Variants in ABCA4 observed in about 807,000 individuals in gnomAD.
ABCA4 encodes the protein ATP binding cassette subfamily A member 4, also known as retinal-specific phospholipid-transporting ATPase ABCA4.
In ABCA4, 196 loss-of-function variants were observed where a neutral mutation model predicts 263.7. The ratio of observed to expected loss-of-function variants is 0.74; its 90% CI spans 0.66 to 0.84. The LOEUF is 0.84. Among genes scored for constraint, ABCA4 ranks in the 40% least tolerant of loss-of-function variants. ABCA4 has a pLI of 0.00. For missense variants in ABCA4, 2,792 were observed against 2,855.1 expected, an observed-to-expected ratio of 0.98 and a Z score of 0.50; for synonymous variants, 1,133 against 1,094.2, an observed-to-expected ratio of 1.04 and a Z score of -0.70.
chr1:94,005,408 A>G (rs374597736), intron 44 of ABCA4, 33 bp downstream of exon 44: 6 of 1,613,504 alleles, frequency 3.7e-6, no homozygotes, highest in Non-Finnish European at 5.1e-6. Context: ...AATTAACCAG[A>G]CTCCTATGTG....
intron 6 of ABCA4, among the ~76,000 whole-genome samples, chr1:94,094,562 T>C (rs934057998): frequency 6.6e-6 from 1 of 152,142 alleles, no homozygotes; most frequent in Non-Finnish European, 1.5e-5. Context: ...CTTTTCTCTA[T>C]CAACAAGCAT....
chr1:94,093,515 G>A (rs1006767508), intron 6 of ABCA4, among the ~76,000 whole-genome samples: 16 of 152,206 alleles, frequency 1.1e-4, no homozygotes, highest in Non-Finnish European at 1.9e-4. Flanking sequence ...CATTGTAGGC[G>A]CCTAGTGCGT....
chr1:94,072,399 C>T (rs1661424285), intron 11 of ABCA4, among the ~76,000 whole-genome samples: 1 of 152,126 alleles, frequency 6.6e-6, no homozygotes, highest in South Asian at 2.1e-4. Context: ...ATGTGAAATT[C>T]AAGACCTGAA....
chr1:94,115,638 A>G (rs934800477), intron 1 of ABCA4, among the ~76,000 whole-genome samples: 3 of 152,204 alleles, frequency 2.0e-5, no homozygotes, highest in Non-Finnish European at 2.9e-5. Flanking sequence ...CCTACCTCCC[A>G]GAGCAGTCGT....
intron 11 of ABCA4, among the ~76,000 whole-genome samples, chr1:94,067,030 C>T (rs761076062): frequency 3.3e-5 from 5 of 152,142 alleles, no homozygotes; most frequent in Admixed American, 2.6e-4. Context: ...AGGCTGGGGC[C>T]GTGGCTTGTT....
intron 26 of ABCA4, among the ~76,000 whole-genome samples, chr1:94,036,298 A>G (rs1660333811): frequency 6.6e-6 from 1 of 150,614 alleles, no homozygotes; most frequent in Admixed American, 6.7e-5. Context: ...GCCATCTAGG[A>G]TGCAAAATGC....
chr1:94,084,029 TC>T (rs1301581344), intron 6 of ABCA4, among the ~76,000 whole-genome samples: 1 of 152,210 alleles, frequency 6.6e-6, no homozygotes, highest in African/African-American at 2.4e-5. Flanking sequence ...CCAGCAGTGT[TC>T]AGGAAACCCC....
chr1:94,068,620 G>A (rs1661333347), intron 11 of ABCA4, among the ~76,000 whole-genome samples: 1 of 152,228 alleles, frequency 6.6e-6, no homozygotes, highest in Non-Finnish European at 1.5e-5. Flanking sequence ...TTGCAAGTTA[G>A]AATATAGTAG....
In ABCA4 at chr1:94,121,025, T is replaced by C. The variant is rs1308464856; in HGVS notation, c.21A>G (p.Ile7Met). 6.2e-6 allele frequency: 10 copies of C among 1,614,114 alleles called. No individual in the cohort carries two copies. Among genetic ancestry groups the C allele is most frequent in the East Asian group, 2.2e-5 (1 of 44,872 alleles). MGFVRQIQLLLWKNWTL... is the reference protein window; with the variant it reads MGFVRQMQLLLWKNWTL... ...TCCAGTTCTTCCAGAGCAAAAGCTG[T>C]ATCTGTCTCACGAAGCCCATGCTAA... Residue 7 changes from isoleucine (I) to methionine (M), a missense_variant, in exon 1 of 50, where the codon ATA (isoleucine) becomes ATG (methionine). By Grantham distance (10) the Ile-to-Met change is conservative (BLOSUM62 1). Coordinates refer to ENST00000370225, the MANE Select transcript of ABCA4 (RefSeq NM_000350.3).
intron 16 of ABCA4, 22 bp downstream of exon 16, chr1:94,055,089 C>A: frequency 1.2e-6 from 2 of 1,607,502 alleles, no homozygotes; most frequent in Middle Eastern, 1.7e-4. Flanking sequence ...ATTACCTTTA[C>A]CCTATAGAGG....
intron 14 of ABCA4, 90 bp from the exon 15 acceptor site, chr1:94,056,912 C>A (rs1660999725): frequency 9.6e-7 from 1 of 1,044,640 alleles, no homozygotes; most frequent in Non-Finnish European, 1.5e-6. Context: ...CACCAGCCTG[C>A]AGTTAGTGTC....
At chr1:94,076,570 A>AT (rs3838280) in intron 11 of ABCA4, among the ~76,000 whole-genome samples, 37,530 of 152,206 alleles carry the variant, frequency 0.25, 5,153 homozygotes, top group Non-Finnish European at 0.31. Flanking sequence ...TGGAATGGGA[A>AT]TGCCTGTAGG....
At chr1:94,071,046 A>G (rs1661385172) in intron 11 of ABCA4, among the ~76,000 whole-genome samples, 1 of 152,204 alleles carries the variant, frequency 6.6e-6, no homozygotes, top group African/African-American at 2.4e-5. Flanking sequence ...GGAATTTCAG[A>G]GATAATTTGG....
At chr1:94,058,613 C>A (rs1237996702) in intron 14 of ABCA4, among the ~76,000 whole-genome samples, 1 of 152,248 alleles carries the variant, frequency 6.6e-6, no homozygotes, top group Non-Finnish European at 1.5e-5. Context: ...CCACCTGCCT[C>A]TGTCTCCCAA....
At chr1:94,062,896 C>T in intron 12 of ABCA4, 143 bp from the exon 13 acceptor site, 2 of 1,088,976 alleles carry the variant, frequency 1.8e-6, no homozygotes, top group South Asian at 1.4e-5. Flanking sequence ...TTTCCTAGTC[C>T]TCAGTTTAAA....
At chr1:94,070,443 T>C (rs956044278) in intron 11 of ABCA4, among the ~76,000 whole-genome samples, 1 of 152,190 alleles carries the variant, frequency 6.6e-6, no homozygotes, top group Non-Finnish European at 1.5e-5. Flanking sequence ...GCACTTTGCT[T>C]ATGCCCTTCC....
chr1:94,021,332 G>C lies in ABCA4; in HGVS notation c.4926C>G (p.Ser1642Arg), dbSNP rs61753017. 1.5e-5 allele frequency: 25 copies of C among 1,614,078 alleles called. No individual in the cohort carries two copies. The Admixed American group carries it at 1.7e-4, about 11-fold the overall frequency. The change falls in exon 35 of 50, where the codon AGC becomes AGG. Residue 1642 changes from serine (S) to arginine (R), a missense_variant. By Grantham distance (110) the Ser-to-Arg change is moderately radical (BLOSUM62 -1). Coordinates refer to ENST00000370225, the MANE Select transcript of ABCA4 (RefSeq NM_000350.3). The stretch of plus-strand genomic sequence containing the variant: ...CCTCGGGGCTCCTGTCCTTAGGCAG[G>C]CTGGCCCGTAAGATGGCGTTGTGGG... ...NVAHNAILRASLPKDRSPEEY... is the reference protein window; with the variant it reads ...NVAHNAILRARLPKDRSPEEY...
At position 94,108,721 on chromosome 1, in the gene ABCA4, A is replaced by G; in HGVS notation, c.303-5T>C. On this transcript the variant is annotated splice_polypyrimidine_tract_variant and splice_region_variant and intron_variant, in intron 3 of 49. Coordinates refer to ENST00000370225, the MANE Select transcript of ABCA4 (RefSeq NM_000350.3). The stretch of plus-strand genomic sequence containing the variant: ...TCTCGATATACCCTTGCCAAGCTGT[A>G]AGGACAAAGCCTCATTAATAAGGAA... The G allele has an allele frequency of 6.2e-7, 1 of 1,613,884 alleles. No individual in the cohort carries two copies. The highest frequency in any genetic ancestry group is 8.5e-7 in the Non-Finnish European group (1 of 1,179,982).
chr1:94,023,347 C>T (rs1478525021), intron 32 of ABCA4, 39 bp downstream of exon 32: 4 of 1,530,394 alleles, frequency 2.6e-6, no homozygotes, highest in African/African-American at 1.4e-5. Context: ...AACAATGAAT[C>T]AATCTGAGAT....
Sources: gnomAD v4.1 joint callset for allele counts (sites outside exome capture counted in the v4.1 genomes callset) on GRCh38, gnomAD v4.1.1 for gene constraint, MANE v1.5 for transcripts, NCBI Gene and HGNC (gene_info 2026-07-23, HGNC 2026-07-21) for gene names.